CNTN5: variants seen among roughly 807,000 people sequenced by gnomAD.
CNTN5 encodes contactin-5.
Under a neutral mutation model 129.1 loss-of-function variants are expected in CNTN5, and 77 were observed. The ratio of observed to expected loss-of-function variants is 0.60; its 90% confidence interval spans 0.50 to 0.72. The LOEUF (loss-of-function observed/expected upper bound fraction) is 0.72. CNTN5 is among the 30% of genes least tolerant of loss of function. CNTN5 has a pLI of 0.00. For missense variants in CNTN5, 1,478 were observed against 1,328.8 expected (o/e 1.11, Z -1.75); for synonymous variants, 509 against 465.6 (o/e 1.09, Z -1.20).
chr11:100,051,006 C>G (rs1042888208), intron 9 of CNTN5, among the ~76,000 whole-genome samples: 2 of 152,076 alleles, frequency 1.3e-5, no homozygotes, highest in African/African-American at 4.8e-5. Context: ...TTTTAACACT[C>G]TTCTCTAGTA....
intron 6 of CNTN5, among the ~76,000 whole-genome samples, chr11:99,864,604 C>G (rs1373323071): frequency 2.0e-5 from 3 of 152,162 alleles, no homozygotes; most frequent in African/African-American, 7.2e-5. Context: ...ATGTTTCCCT[C>G]TTTCAACTCA....
At chr11:100,285,553 G>C (rs1245834578) in intron 18 of CNTN5, among the ~76,000 whole-genome samples, 1 of 152,140 alleles carries the variant, frequency 6.6e-6, no homozygotes, top group Non-Finnish European at 1.5e-5. Flanking sequence ...TTTGGTTCTT[G>C]TAGCACAGAC....
intron 3 of CNTN5, among the ~76,000 whole-genome samples, chr11:99,623,285 G>A (rs1951014803): frequency 6.6e-6 from 1 of 152,058 alleles, no homozygotes; most frequent in Non-Finnish European, 1.5e-5. Context: ...AAGTTAGTGG[G>A]AAGTTCAAGG....
chr11:99,927,115 A>C (rs1950079743), intron 7 of CNTN5, among the ~76,000 whole-genome samples: 2 of 152,200 alleles, frequency 1.3e-5, no homozygotes, highest in African/African-American at 4.8e-5. Context: ...ATTTGGACAC[A>C]GAGAGCTCTA....
intron 13 of CNTN5, among the ~76,000 whole-genome samples, chr11:100,101,221 A>G (rs1251410106): frequency 6.6e-6 from 1 of 152,150 alleles, no homozygotes; most frequent in African/African-American, 2.4e-5. Flanking sequence ...ATGTTGGTAT[A>G]TATGAGTAGA....
At chr11:99,885,792 A>G (rs2135879901) in intron 6 of CNTN5, among the ~76,000 whole-genome samples, 1 of 152,298 alleles carries the variant, frequency 6.6e-6, no homozygotes, top group Non-Finnish European at 1.5e-5. Flanking sequence ...CTCCAAGTGT[A>G]ATAGAGAATT....
At chr11:99,622,310 A>G (rs1337268423) in intron 3 of CNTN5, among the ~76,000 whole-genome samples, 1 of 152,170 alleles carries the variant, frequency 6.6e-6, no homozygotes, top group Non-Finnish European at 1.5e-5. Context: ...CTTGCAATCA[A>G]TTTGGTTTAA....
intron 3 of CNTN5, among the ~76,000 whole-genome samples, chr11:99,682,449 G>A (rs553832609): frequency 6.6e-6 from 1 of 151,540 alleles, no homozygotes; most frequent in South Asian, 2.1e-4. Flanking sequence ...AGGGAAATGG[G>A]GACTATATAA....
At chr11:99,740,284 T>G (rs7107475) in intron 3 of CNTN5, among the ~76,000 whole-genome samples, 8,014 of 152,106 alleles carry the variant, frequency 0.053, 284 homozygotes, top group African/African-American at 0.1. Context: ...TAAGAAAAAT[T>G]TGTACAATCT....
intron 3 of CNTN5, among the ~76,000 whole-genome samples, chr11:99,621,979 A>C (rs1349218819): frequency 6.6e-6 from 1 of 152,178 alleles, no homozygotes; most frequent in Non-Finnish European, 1.5e-5. Context: ...CTCTAACATC[A>C]TGGATAAAAT....
chr11:99,671,464 C>T lies in CNTN5; in HGVS notation c.55+115195C>T, dbSNP rs146403994. Among the ~76,000 whole-genome samples, 1,067 of 152,026 alleles carry T rather than the reference C, an allele frequency of 7.0e-3. 7 individuals are homozygous for T. Among genetic ancestry groups the T allele is most frequent in the Non-Finnish European group, 0.013 (869 of 67,948 alleles). On this transcript the variant is annotated intron_variant, in intron 3 of 24. Coordinates refer to ENST00000524871, the MANE Select transcript of CNTN5 (RefSeq NM_014361.4). ...GCTGGTGAATTTGTGTGCATGTGTG[C>T]GTGTGTGTGTATGAGAGTGAAACAC... is the stretch of plus-strand genomic sequence containing the variant.
rs141980762 is a variant in CNTN5 at position 99,818,643 on chromosome 11, C to T, written c.56-901C>T. 7.9e-5 allele frequency among the ~76,000 whole-genome samples: 12 copies of T among 152,218 alleles called. No homozygotes were observed. The East Asian group carries it at 2.3e-3, about 29-fold the overall frequency. ...TGTACATATAAAAAATTTCCAATTC[C>T]TTATTTCTCTTTAGAGTTCATCATA... On this transcript the variant is annotated intron_variant, in intron 3 of 24. Transcript: ENST00000524871.
At chr11:99,129,987 T>C (rs1363134505) in intron 1 of CNTN5, among the ~76,000 whole-genome samples, 1 of 152,132 alleles carries the variant, frequency 6.6e-6, no homozygotes, top group Middle Eastern at 3.2e-3. Context: ...AAGGAGAAAG[T>C]GTTACCAGCC....
At chr11:99,695,039 A>G (rs1954210661) in intron 3 of CNTN5, among the ~76,000 whole-genome samples, 2 of 152,100 alleles carry the variant, frequency 1.3e-5, no homozygotes, top group Non-Finnish European at 2.9e-5. Context: ...GTAGCATATT[A>G]CAAAAATGAA....
rs1376769932 is a variant in CNTN5, at chr11:99,664,060, G to A, written c.55+107791G>A. On this transcript the variant is annotated intron_variant, in intron 3 of 24. Transcript: ENST00000524871. ...AGTGTCTACAGTATTGGAACGGCGC[G>A]GGTAGAGACCATGGCTTAATTTGTA... 3.9e-5 allele frequency among the ~76,000 whole-genome samples: 6 copies of A among 152,192 alleles called. 1 individual carries two copies. Among genetic ancestry groups the A allele is most frequent in the South Asian group, 2.1e-4 (1 of 4,820 alleles).
intron 1 of CNTN5, among the ~76,000 whole-genome samples, chr11:99,169,531 T>C (rs1234734111): frequency 1.3e-5 from 2 of 152,102 alleles, no homozygotes; most frequent in East Asian, 3.8e-4. Context: ...ATGAAACCTA[T>C]GAGCCATTAA....
At chr11:100,356,077 C>G (rs1404216609) in intron 24 of CNTN5, 40 bp from the exon 25 acceptor site, 2 of 1,408,260 alleles carry the variant, frequency 1.4e-6, no homozygotes, top group Non-Finnish European at 2.0e-6. Context: ...TCAAGCAAAA[C>G]CAAGATAATT....
At chr11:99,118,848 A>G (rs954115148) in intron 1 of CNTN5, among the ~76,000 whole-genome samples, 1 of 151,862 alleles carries the variant, frequency 6.6e-6, no homozygotes, top group African/African-American at 2.4e-5. Context: ...AGGTATAATT[A>G]TGGTATACCT....
intron 13 of CNTN5, 48 bp downstream of exon 13, chr11:100,074,342 G>A: frequency 1.4e-6 from 2 of 1,465,804 alleles, no homozygotes; most frequent in Middle Eastern, 1.7e-4. Context: ...CTTTTTTGAG[G>A]TTACAGGTGA....
Sources: allele counts gnomAD v4.1 joint callset (sites outside exome capture counted in the v4.1 genomes callset), GRCh38; gene constraint gnomAD v4.1.1; transcripts MANE v1.5; gene names NCBI Gene and HGNC (gene_info 2026-07-23, HGNC 2026-07-21).